BBX: variants seen among roughly 807,000 people sequenced by gnomAD.
BBX encodes HMG box transcription factor BBX.
A neutral mutation model predicts 100.2 loss-of-function variants in BBX; 30 were observed. That is an observed-to-expected ratio of 0.30 (90% confidence interval 0.22 to 0.41). The LOEUF is 0.41. Ranked by LOEUF, BBX falls within the 10% of genes least tolerant of loss-of-function variation. BBX has a pLI of 1.00. For synonymous variants in BBX, 376 were observed against 388.1 expected (o/e 0.97, Z 0.37); for missense variants, 1,023 against 1,129.8 (o/e 0.91, Z 1.35).
At chr3:107,651,028 C>T (rs2057808387) in intron 3 of BBX, among the ~76,000 whole-genome samples, 1 of 152,122 alleles carries the variant, frequency 6.6e-6, no homozygotes, top group Non-Finnish European at 1.5e-5. Flanking sequence ...CTCATAAGTA[C>T]ATCAGTTCTT....
Position 107,798,610 on chromosome 3 carries a change from C to G in BBX, c.2441C>G (p.Thr814Arg). The G allele has an allele frequency of 6.2e-7, 1 of 1,614,058 alleles. No individual in the cohort carries two copies. The highest frequency in any genetic ancestry group is 8.5e-7 in the Non-Finnish European group (1 of 1,179,990). Reference sequence around the variant, plus strand: ...ATTTTCAACACTCCAGAGCCAACAACAACGCAAGAACCTTTGGTGGGCAGC... The same window carrying G: ...ATTTTCAACACTCCAGAGCCAACAAGAACGCAAGAACCTTTGGTGGGCAGC... ...PSIFNTPEPT[T>R]TQEPLVGSQK... Residue 814 changes from threonine to arginine, a missense_variant, in exon 16 of 18, where the codon ACA becomes AGA. By Grantham distance (71) the Thr-to-Arg change is moderately conservative. Coordinates refer to ENST00000325805, the MANE Select transcript of BBX (RefSeq NM_001142568.3).
intron 3 of BBX, among the ~76,000 whole-genome samples, chr3:107,664,400 T>A (rs2058633621): frequency 6.6e-6 from 1 of 152,218 alleles, no homozygotes. Flanking sequence ...TTTAATATGT[T>A]CACCATATCT....
intron 3 of BBX, among the ~76,000 whole-genome samples, chr3:107,648,022 C>G (rs2057624992): frequency 6.6e-6 from 1 of 152,030 alleles, no homozygotes; most frequent in South Asian, 2.1e-4. Flanking sequence ...GAGAGAGTGG[C>G]CTTGTAAGAG....
intron 2 of BBX, among the ~76,000 whole-genome samples, chr3:107,544,691 C>T (rs1306348281): frequency 6.6e-6 from 1 of 151,166 alleles, no homozygotes; most frequent in Non-Finnish European, 1.5e-5. Flanking sequence ...GCCAACATAG[C>T]GAAACCCCAT....
chr3:107,801,007 T>C, intron 16 of BBX, 88 bp from the exon 17 acceptor site: 1 of 1,296,706 alleles, frequency 7.7e-7, no homozygotes, highest in Non-Finnish European at 1.1e-6. Context: ...GTTAGCTCTT[T>C]TCATGTTGAC....
At chr3:107,649,779 GAA>G (rs2057731507) in intron 3 of BBX, among the ~76,000 whole-genome samples, 2 of 152,194 alleles carry the variant, frequency 1.3e-5, no homozygotes, top group South Asian at 4.1e-4. Context: ...ACTGCTGAGA[GAA>G]AGAGTGAGTC....
chr3:107,587,631 G>A (rs1416183970), intron 2 of BBX, among the ~76,000 whole-genome samples: 1 of 152,160 alleles, frequency 6.6e-6, no homozygotes, highest in East Asian at 1.9e-4. Flanking sequence ...GGGGCCTTGA[G>A]TAATACCACA....
chr3:107,567,736 C>T (rs902098202), intron 2 of BBX, among the ~76,000 whole-genome samples: 1 of 151,960 alleles, frequency 6.6e-6, no homozygotes, highest in African/African-American at 2.4e-5. Context: ...TGACTTAAAC[C>T]TCCTGTATTT....
intron 3 of BBX, among the ~76,000 whole-genome samples, chr3:107,646,990 A>C (rs1019990262): frequency 6.6e-6 from 1 of 152,122 alleles, no homozygotes; most frequent in Non-Finnish European, 1.5e-5. Flanking sequence ...ATGTGTATTT[A>C]TAATAGGTCA....
chr3:107,535,425 G>T (rs1344271167), intron 2 of BBX, among the ~76,000 whole-genome samples: 1 of 151,820 alleles, frequency 6.6e-6, no homozygotes, highest in African/African-American at 2.4e-5. Context: ...TATAATTGAT[G>T]TTTAGTCAGC....
chr3:107,633,642 C>G (rs1049359535), intron 2 of BBX, among the ~76,000 whole-genome samples: 11 of 152,186 alleles, frequency 7.2e-5, no homozygotes, highest in African/African-American at 9.7e-5. Context: ...CCTCAGTGCC[C>G]TGCACAAACA....
At chr3:107,552,347 T>TTAA (rs904435479) in intron 2 of BBX, among the ~76,000 whole-genome samples, 1 of 45,938 alleles carries the variant, frequency 2.2e-5, no homozygotes, top group African/African-American at 8.1e-5. Context: ...CCTGTTTCAT[T>TTAA]AAAAAAAAAA....
rs540104926 is a variant in BBX at position 107,728,633 on chromosome 3, A to C, written c.406-132A>C. 6.7e-5 allele frequency: 49 copies of C among 727,784 alleles called. No homozygotes were observed. The African/African-American group carries it at 7.8e-4, about 12-fold the overall frequency. 45.1% of individuals were successfully genotyped at this position (727,784 alleles called of 1,614,324 possible). A position where few individuals can be genotyped will look rare whatever the true frequency, so the allele number is the denominator to read the frequency against. ...TATGCTGAGATTGTCATTCTTCTAC[A>C]AGGAGAGCCACAGAAGTCACTGAAA... On this transcript the variant is annotated intron_variant, in intron 5 of 17. Coordinates refer to ENST00000325805, the MANE Select transcript of BBX (RefSeq NM_001142568.3).
intron 7 of BBX, among the ~76,000 whole-genome samples, chr3:107,741,365 C>T (rs1169726569): frequency 6.6e-6 from 1 of 152,136 alleles, no homozygotes; most frequent in Admixed American, 6.6e-5. Flanking sequence ...ATACTAATCA[C>T]TCCCCTTCCA....
intron 3 of BBX, among the ~76,000 whole-genome samples, chr3:107,703,272 T>G (rs1219138931): frequency 2.0e-5 from 3 of 152,182 alleles, no homozygotes; most frequent in Non-Finnish European, 4.4e-5. Context: ...GAAGGTTGCA[T>G]TTTTGGAAGG....
chr3:107,739,228 C>A (rs2107575632), intron 7 of BBX, among the ~76,000 whole-genome samples: 1 of 152,290 alleles, frequency 6.6e-6, no homozygotes, highest in Non-Finnish European at 1.5e-5. Context: ...CTCCTTTAGG[C>A]TGCTAAATTT....
Position 107,713,936 on chromosome 3 carries a change from G to T in BBX, c.163-2671G>T, listed in dbSNP as rs374074313. 8.4e-4 allele frequency among the ~76,000 whole-genome samples: 80 copies of T among 94,864 alleles called. No homozygotes were observed. In the East Asian group the frequency reaches 0.024, roughly 29 times the overall value. The allele number at this position is 94,864 out of a possible 152,430, so 62.2% of individuals were successfully genotyped here. A position where few individuals can be genotyped will look rare whatever the true frequency, so the allele number is the denominator to read the frequency against. ...GATTTGTTTCTCCTTTTTTTAATTT[G>T]TAATTTTTTAATTTTTTTAATAATT... is the stretch of plus-strand genomic sequence containing the variant. On this transcript the variant is annotated intron_variant, in intron 4 of 17. Transcript: ENST00000325805.
At chr3:107,691,988 C>T (rs957625455) in intron 3 of BBX, among the ~76,000 whole-genome samples, 22 of 151,882 alleles carry the variant, frequency 1.4e-4, no homozygotes, top group African/African-American at 5.1e-4. Flanking sequence ...GAAGTGAAGT[C>T]GATTTGACTG....
At chr3:107,774,625 G>A (rs1456711269) in intron 11 of BBX, 94 bp from the exon 12 acceptor site, 1 of 1,324,792 alleles carries the variant, frequency 7.5e-7, no homozygotes, top group Non-Finnish European at 1.0e-6. Context: ...CAAATGATAT[G>A]CAAGCAGTCA....
Sources: gnomAD v4.1 joint callset for allele counts (sites outside exome capture counted in the v4.1 genomes callset) on GRCh38, gnomAD v4.1.1 for gene constraint, MANE v1.5 for transcripts, NCBI Gene and HGNC (gene_info 2026-07-23, HGNC 2026-07-21) for gene names.